RTL9: variants seen among roughly 807,000 people sequenced by gnomAD.
The protein encoded by RTL9 is retrotransposon Gag-like protein 9.
In RTL9, 19 loss-of-function variants were observed where a neutral mutation model predicts 44.7. That is an observed-to-expected ratio of 0.42 (90% CI 0.30 to 0.62). The LOEUF is 0.62. RTL9 is among the 20% of genes least tolerant of loss of function. RTL9 has a pLI of 0.16. For missense variants in RTL9, 1,105 were observed against 1,080.6 expected, an observed-to-expected ratio of 1.02 and a Z score of -0.32; for synonymous variants, 407 against 398.9, an observed-to-expected ratio of 1.02 and a Z score of -0.24.
In RTL9 at chrX:110,401,266, C is replaced by A. The variant is rs757146174; in HGVS notation, c.-168+42350C>A. ...TATGGTGAGCAGAGTCAGCTCTGGG[C>A]AAAATGGTGAAATAAGCCAAGTTTG... On this transcript the variant is annotated intron_variant, in intron 1 of 2. Coordinates refer to the RTL9 transcript ENST00000520821. Among the ~76,000 whole-genome samples, 25 of 110,901 alleles carry A rather than the reference C, an allele frequency of 2.3e-4. 1 individual carries two copies. The highest frequency in any genetic ancestry group is 1.8e-3 in the Admixed American group (19 of 10,459).
At chrX:110,453,113 A>T in exon 1 of RTL9, 1 of 1,210,526 alleles carries the variant, frequency 8.3e-7, no homozygotes, top group Non-Finnish European at 1.1e-6. Context: ...GAATGATGTC[A>T]TCCATGCCAC....
intron 1 of RTL9, among the ~76,000 whole-genome samples, chrX:110,381,082 A>G (rs2068415266): frequency 8.9e-6 from 1 of 112,256 alleles, no homozygotes; most frequent in Non-Finnish European, 1.9e-5. Flanking sequence ...AAAACCAAAA[A>G]TTGACAGGTG....
exon 1 of RTL9, chrX:110,451,238 A>G (rs1296562508): frequency 1.7e-6 from 2 of 1,211,765 alleles, no homozygotes; most frequent in South Asian, 3.5e-5. Context: ...CCCCAATTCT[A>G]ATGCAAGATA....
rs769362750 is a variant in RTL9, at chrX:110,454,597, C to A, written c.3980C>A (p.Thr1327Lys). ...GGCAACTCAAGCCAGGTTCTGCCAA[C>A]AGCCTGTAAGCGGAATAATGAGGAG... Residue 1327 changes from threonine (T) to lysine (K), a missense_variant, in exon 1 of 2, where the codon ACA (threonine) becomes AAA (lysine). Physicochemically the swap from Thr to Lys is moderately conservative, Grantham distance 78. Transcript: ENST00000540313. 16 of 1,211,388 alleles carry A rather than the reference C, an allele frequency of 1.3e-5. No individual in the cohort carries two copies. The East Asian group carries it at 4.7e-4, about 36-fold the overall frequency.
At chrX:110,450,122 A>C (rs1267226865), upstream of RTL9, among the ~76,000 whole-genome samples, 1 of 111,770 alleles carries the variant, frequency 8.9e-6, no homozygotes, top group Non-Finnish European at 1.9e-5. Flanking sequence ...CACTGGCAGA[A>C]TTCAATGAGC....
chrX:110,399,792 TAAG>T (rs900352526), intron 1 of RTL9, among the ~76,000 whole-genome samples: 8 of 111,944 alleles, frequency 7.1e-5, no homozygotes, highest in African/African-American at 2.3e-4. Context: ...TCAGGGAGAA[TAAG>T]AAGATAATTA....
At chrX:110,392,909 G>C (rs1325752210) in intron 1 of RTL9, among the ~76,000 whole-genome samples, 1 of 112,272 alleles carries the variant, frequency 8.9e-6, no homozygotes, top group East Asian at 2.8e-4. Flanking sequence ...TTGAGTGTTT[G>C]AGCTGGCGTT....
intron 1 of RTL9, among the ~76,000 whole-genome samples, chrX:110,444,149 C>G (rs761190646): frequency 3.5e-5 from 4 of 112,828 alleles, no homozygotes; most frequent in African/African-American, 1.3e-4. Context: ...GCATCAGACA[C>G]TTATTCCTAC....
intron 1 of RTL9, among the ~76,000 whole-genome samples, chrX:110,395,395 A>C (rs2068521953): frequency 8.9e-6 from 1 of 111,831 alleles, no homozygotes; most frequent in South Asian, 3.8e-4. Context: ...TCCCTGAACA[A>C]TAGCAGTGCC....
intron 1 of RTL9, among the ~76,000 whole-genome samples, chrX:110,367,973 A>ATTATT (rs537050639): frequency 4.7e-5 from 4 of 85,326 alleles, no homozygotes; most frequent in East Asian, 3.8e-4. Context: ...AGTGCTGGCT[A>ATTATT]ATTATTATTA....
At chrX:110,451,402 G>A (rs2068939717) in exon 1 of RTL9, 1 of 1,211,597 alleles carries the variant, frequency 8.3e-7, no homozygotes, top group South Asian at 1.8e-5. Context: ...CTAATGTCAG[G>A]CACGGACTCT....
intron 1 of RTL9, among the ~76,000 whole-genome samples, chrX:110,403,358 A>G (rs1022370595): frequency 1.8e-5 from 2 of 112,435 alleles, no homozygotes; most frequent in African/African-American, 6.5e-5. Context: ...ATTCCTTCAA[A>G]GTATGTTGCT....
chrX:110,450,445 C>T, upstream of RTL9: 1 of 446,425 alleles, frequency 2.2e-6, no homozygotes, highest in Non-Finnish European at 3.9e-6. Context: ...ATCTGATAGC[C>T]TCACCTTCAA....
Position 110,413,514 on chromosome X carries a change from A to AC in RTL9, c.-167-31630dup, listed in dbSNP as rs538812473. On this transcript the variant is annotated intron_variant, in intron 1 of 2. Transcript: ENST00000520821. Reference sequence around the variant, plus strand: ...CTTTATAACCATCCCCTCCTGGTCAACCCCCCCCCACCCCCACATTCAACG... The same window carrying AC: ...CTTTATAACCATCCCCTCCTGGTCAACCCCCCCCCCACCCCCACATTCAACG... Among the ~76,000 whole-genome samples the AC allele has an allele frequency of 6.1e-3, 572 of 93,188 alleles. 3 individuals carry two copies. Among genetic ancestry groups the AC allele is most frequent in the African/African-American group, 0.015 (372 of 24,595 alleles). The allele number at this position is 93,188 out of a possible 115,157, so 80.9% of individuals were successfully genotyped here.
At chrX:110,453,876 A>C (rs1449981266) in exon 1 of RTL9, 1 of 1,210,397 alleles carries the variant, frequency 8.3e-7, no homozygotes, top group Non-Finnish European at 1.1e-6. Flanking sequence ...CACACCACAG[A>C]CAGCCTTTGG....
At chrX:110,432,358 T>G in intron 1 of RTL9, among the ~76,000 whole-genome samples, 1 of 112,328 alleles carries the variant, frequency 8.9e-6, no homozygotes, top group Non-Finnish European at 1.9e-5. Flanking sequence ...GGCATTTAGC[T>G]GTGGCATCAG....
intron 1 of RTL9, among the ~76,000 whole-genome samples, chrX:110,413,517 C>G (rs944763206): frequency 1.9e-5 from 2 of 104,820 alleles, no homozygotes; most frequent in African/African-American, 7.0e-5. Flanking sequence ...CTGGTCAACC[C>G]CCCCCCACCC....
exon 1 of RTL9, chrX:110,451,088 A>T (rs776738472): frequency 8.3e-7 from 1 of 1,210,813 alleles, no homozygotes; most frequent in Non-Finnish European, 1.1e-6. Flanking sequence ...CGCTAATGGT[A>T]GCACCAGATT....
chrX:110,367,306 C>T (rs1268557937), intron 1 of RTL9, among the ~76,000 whole-genome samples: 3 of 112,035 alleles, frequency 2.7e-5, no homozygotes, highest in South Asian at 3.7e-4. Flanking sequence ...TCTGCTCATT[C>T]GTTCCAATTT....
Sources: allele counts gnomAD v4.1 joint callset (sites outside exome capture counted in the v4.1 genomes callset), GRCh38; gene constraint gnomAD v4.1.1; transcripts MANE v1.5; gene names NCBI Gene and HGNC (gene_info 2026-07-23, HGNC 2026-07-21).